Variants in SLAMF7 observed in about 807,000 individuals in gnomAD.
The protein encoded by SLAMF7 is 19A24 protein.
In SLAMF7, 26 loss-of-function variants were observed where a neutral mutation model predicts 34.1. The observed-to-expected ratio is 0.76, with a 90% confidence interval of 0.56 to 1.06. The LOEUF (loss-of-function observed/expected upper bound fraction) is 1.06, where lower values mean the gene tolerates loss of function less well. SLAMF7 is among the 50% of genes least tolerant of loss of function. The pLI, the probability that SLAMF7 is intolerant of heterozygous loss-of-function variation, is 0.00. For missense variants in SLAMF7, 399 were observed against 402.5 expected, an observed-to-expected ratio of 0.99 and a Z score of 0.07; for synonymous variants, 171 against 156.4, an observed-to-expected ratio of 1.09 and a Z score of -0.70.
chr1:160,739,204 AC>A, upstream of SLAMF7: 1 of 1,041,100 alleles, frequency 9.6e-7, no homozygotes, highest in Non-Finnish European at 1.5e-6. Flanking sequence ...CTGCGGCGTG[AC>A]CCCTCCTGCT....
At chr1:160,743,976 A>T (rs1194246122) in intron 1 of SLAMF7, among the ~76,000 whole-genome samples, 2 of 152,228 alleles carry the variant, frequency 1.3e-5, no homozygotes, top group African/African-American at 4.8e-5. Flanking sequence ...GGCATAAGCC[A>T]CCAATTCCAG....
Position 160,739,322 on chromosome 1 carries a change from C to T in SLAMF7, c.21C>T (p.Cys7=), listed in dbSNP as rs772207834. 7.4e-6 allele frequency: 12 copies of T among 1,613,910 alleles called. No homozygotes were observed. Among genetic ancestry groups the T allele is most frequent in the Non-Finnish European group, 1.0e-5 (12 of 1,179,876 alleles). ...GCAATATGGCTGGTTCCCCAACATG[C>T]CTCACCCTCATCTATATCCTTTGGC... MAGSPT[C]LTLIYILWQL... Residue 7 remains cysteine, a synonymous_variant, in exon 1 of 7, where the codon TGC becomes TGT. Transcript: ENST00000368043.
Position 160,748,247 on chromosome 1 carries a change from G to A in SLAMF7, c.109G>A (p.Val37Met), listed in dbSNP as rs201003538. 3.5e-5 allele frequency: 56 copies of A among 1,614,054 alleles called. 1 individual carries two copies. The highest frequency in any genetic ancestry group is 3.9e-5 in the Non-Finnish European group (46 of 1,179,950). The stretch of plus-strand genomic sequence containing the variant: ...GCTGGTCGGTTCCGTTGGTGGGGCC[G>A]TGACTTTCCCCCTGAAGTCCAAAGT... ...KELVGSVGGAVTFPLKSKVKQ... is the reference protein window; with the variant it reads ...KELVGSVGGAMTFPLKSKVKQ... Residue 37 changes from valine to methionine, a missense_variant, in exon 2 of 7, where the codon GTG becomes ATG. Val to Met is a conservative substitution (Grantham distance 21). Transcript: ENST00000368043.
chr1:160,753,374 C>T lies in SLAMF7; in HGVS notation c.*197C>T, dbSNP rs1180502562. 2 of 575,438 alleles carry T rather than the reference C, an allele frequency of 3.5e-6. No individual in the cohort carries two copies. The highest frequency in any genetic ancestry group is 1.9e-5 in the African/African-American group (1 of 53,288). The allele number at this position is 575,438 out of a possible 1,614,324, so 35.6% of individuals were successfully genotyped here. On this transcript the variant is annotated 3_prime_UTR_variant, in exon 7 of 7. Transcript: ENST00000368043. ...AATTCCATCCACTGCTGAGAAATCT[C>T]CTCAAACCCAGAAGGTTTAATCACT... is the stretch of plus-strand genomic sequence containing the variant.
In SLAMF7 at chr1:160,750,436, C is replaced by T. The variant is rs1261608347; in HGVS notation, c.769+13C>T. 1.2e-6 allele frequency: 2 copies of T among 1,611,454 alleles called. No individual in the cohort carries two copies. Among genetic ancestry groups the T allele is most frequent in the South Asian group, 2.2e-5 (2 of 90,772 alleles). ...GAGAGACAAGAAGGTAGAGCGTGTACTATTTTTGTCCTCACCCACATTCAT... is the reference window on the plus strand; with the variant it reads ...GAGAGACAAGAAGGTAGAGCGTGTATTATTTTTGTCCTCACCCACATTCAT... On this transcript the variant is annotated intron_variant, in intron 4 of 6. Transcript: ENST00000368043.
intron 4 of SLAMF7, chr1:160,750,765 C>A (rs1000518232): frequency 2.1e-5 from 5 of 240,034 alleles, no homozygotes; most frequent in African/African-American, 1.1e-4. Flanking sequence ...GAGGTGATGG[C>A]CTCCAACTCT....
At chr1:160,748,157 G>A (rs1173161107) in intron 1 of SLAMF7, 37 bp from the exon 2 acceptor site, 1 of 1,593,402 alleles carries the variant, frequency 6.3e-7, no homozygotes, top group East Asian at 2.2e-5. Flanking sequence ...ACAAGGACAG[G>A]GAATCAGGCT....
rs763712254 is a variant in SLAMF7, at chr1:160,750,158, C to T, written c.649+65C>T. On this transcript the variant is annotated intron_variant, in intron 3 of 6. Coordinates refer to ENST00000368043, the MANE Select transcript of SLAMF7 (RefSeq NM_021181.5). Reference sequence around the variant, plus strand: ...GTCCTACACCTTCTTCAGCTCCTAGCCCCCATGGGAACAGACACTGTATGG... The same window carrying T: ...GTCCTACACCTTCTTCAGCTCCTAGTCCCCATGGGAACAGACACTGTATGG... The T allele has an allele frequency of 2.1e-5, 34 of 1,583,126 alleles. No homozygotes were observed. The South Asian group carries it at 3.8e-4, about 18-fold the overall frequency.
chr1:160,748,835 T>C (rs1278296505), intron 2 of SLAMF7, among the ~76,000 whole-genome samples: 2 of 152,178 alleles, frequency 1.3e-5, no homozygotes, highest in Admixed American at 6.5e-5. Context: ...TCCATATCTG[T>C]AGTGGGGAGG....
chr1:160,743,385 G>A (rs1663890950), intron 1 of SLAMF7, among the ~76,000 whole-genome samples: 1 of 152,338 alleles, frequency 6.6e-6, no homozygotes, highest in South Asian at 2.1e-4. Context: ...GGATGTTTGT[G>A]TGGTGGCCAC....
intron 1 of SLAMF7, 54 bp from the exon 2 acceptor site, chr1:160,748,140 A>G (rs1404388644): frequency 8.9e-6 from 14 of 1,565,702 alleles, no homozygotes; most frequent in Non-Finnish European, 1.2e-5. Flanking sequence ...GGGGTGAGTA[A>G]TTGGTGACAA....
intron 1 of SLAMF7, among the ~76,000 whole-genome samples, chr1:160,747,879 TTTCTTCAGCAGACA>T (rs1311204797): frequency 7.1e-6 from 1 of 141,512 alleles, no homozygotes; most frequent in Non-Finnish European, 1.5e-5. Context: ...CTTCTGGAAG[TTTCTTCAGCAGACA>T]TTCTTAACTG....
chr1:160,747,976 T>C (rs910514771), intron 1 of SLAMF7, among the ~76,000 whole-genome samples: 2 of 152,208 alleles, frequency 1.3e-5, no homozygotes, highest in African/African-American at 4.8e-5. Flanking sequence ...ACTAAGATTG[T>C]TGTGATACAT....
chr1:160,752,325 T>G, intron 6 of SLAMF7, 77 bp downstream of exon 6: 4 of 1,183,622 alleles, frequency 3.4e-6, no homozygotes, highest in Non-Finnish European at 5.0e-6. Flanking sequence ...CAAAATTTCT[T>G]GGACCCAGGT....
At chr1:160,739,822 T>C (rs1051366884) in intron 1 of SLAMF7, 15 of 154,944 alleles carry the variant, frequency 9.7e-5, no homozygotes, top group African/African-American at 3.6e-4. Context: ...ATGGAAAGAA[T>C]CACTTGAATT....
At chr1:160,744,920 T>C (rs1351341372) in intron 1 of SLAMF7, among the ~76,000 whole-genome samples, 2 of 152,160 alleles carry the variant, frequency 1.3e-5, no homozygotes, top group African/African-American at 4.8e-5. Flanking sequence ...CTCCTAAAGA[T>C]GAACAAAGAG....
chr1:160,753,198 G>A lies in SLAMF7; in HGVS notation c.*21G>A. The stretch of plus-strand genomic sequence containing the variant: ...TCTAGACAGCAGTGCACTCCCCTAA[G>A]TCTCTGCTCAAAAAAAAAACAATTC... On this transcript the variant is annotated 3_prime_UTR_variant, in exon 7 of 7. Coordinates refer to ENST00000368043, the MANE Select transcript of SLAMF7 (RefSeq NM_021181.5). 1.3e-6 allele frequency: 2 copies of A among 1,584,250 alleles called. No individual in the cohort carries two copies.
At chr1:160,749,722 A>G in intron 2 of SLAMF7, 99 bp from the exon 3 acceptor site, 4 of 1,052,842 alleles carry the variant, frequency 3.8e-6, no homozygotes, top group Non-Finnish European at 5.5e-6. Flanking sequence ...TCCAGTCTGG[A>G]GCTCCCAGGG....
intron 1 of SLAMF7, 39 bp from the exon 2 acceptor site, chr1:160,748,155 A>G (rs1411057777): frequency 1.6e-5 from 26 of 1,591,970 alleles, no homozygotes; most frequent in Non-Finnish European, 2.2e-5. Context: ...TGACAAGGAC[A>G]GGGAATCAGG....
Sources: allele counts gnomAD v4.1 joint callset (sites outside exome capture counted in the v4.1 genomes callset), GRCh38; gene constraint gnomAD v4.1.1; transcripts MANE v1.5; gene names NCBI Gene and HGNC (gene_info 2026-07-23, HGNC 2026-07-21).